The following TUSC3 variants were observed in gnomAD, a reference collection of about 807,000 sequenced individuals.
The protein encoded by TUSC3 is tumor suppressor candidate 3.
In TUSC3, 45 loss-of-function variants were observed where a neutral mutation model predicts 44.8. The observed-to-expected ratio is 1.00, with a 90% confidence interval of 0.79 to 1.29. TUSC3 has a LOEUF of 1.29. Ranked by LOEUF, TUSC3 falls within the 50% of genes most tolerant of loss-of-function variation. The probability of loss-of-function intolerance (pLI) is 0.00; values close to 1 mark genes in which losing one functional copy is unlikely to be tolerated. For missense variants in TUSC3, 519 were observed against 437.9 expected, an observed-to-expected ratio of 1.19 and a Z score of -1.65; for synonymous variants, 212 against 152.9, an observed-to-expected ratio of 1.39 and a Z score of -2.85.
the TUSC3 span, among the ~76,000 whole-genome samples, chr8:15,783,966 A>G: frequency 6.6e-6 from 1 of 152,228 alleles, no homozygotes; most frequent in Non-Finnish European, 1.5e-5. Flanking sequence ...AAGTGCTAAC[A>G]GACAAAATAT....
At chr8:15,615,549 T>TA (rs762378905) in intron 1 of TUSC3, among the ~76,000 whole-genome samples, 2 of 152,182 alleles carry the variant, frequency 1.3e-5, no homozygotes, top group Non-Finnish European at 2.9e-5. Flanking sequence ...TAATGTTCTA[T>TA]AAGCAGTGTA....
At position 15,765,080 on chromosome 8, in the gene TUSC3, A is replaced by G. The variant is rs1263239195; in HGVS notation, c.*924A>G. 2 of 152,184 alleles carry G rather than the reference A, an allele frequency of 1.3e-5. No individual in the cohort carries two copies. Among genetic ancestry groups the G allele is most frequent in the East Asian group, 3.9e-4 (2 of 5,176 alleles). The allele number at this position is 152,184 out of a possible 1,614,324, so 9.4% of individuals were successfully genotyped here. A position where few individuals can be genotyped will look rare whatever the true frequency, so the allele number is the denominator to read the frequency against. ...TTCAATGAAGCTTTCTTGAAAACAA[A>G]CATAGGAGTGTAATGTACTATTATG... On this transcript the variant is annotated 3_prime_UTR_variant, in exon 11 of 11. Transcript: ENST00000503731.
chr8:15,745,916 T>A (rs1811394603), intron 8 of TUSC3, among the ~76,000 whole-genome samples: 1 of 152,018 alleles, frequency 6.6e-6, no homozygotes, highest in Non-Finnish European at 1.5e-5. Context: ...AAGTTTTAGG[T>A]GTTACATTTA....
chr8:15,482,441 G>T (rs1193544312), intron 1 of TUSC3, among the ~76,000 whole-genome samples: 1 of 152,194 alleles, frequency 6.6e-6, no homozygotes, highest in Admixed American at 6.5e-5. Context: ...CGTTATGAAT[G>T]ATAGCACACC....
At chr8:15,523,192 C>G (rs1201024893) in intron 2 of TUSC3, among the ~76,000 whole-genome samples, 1 of 152,158 alleles carries the variant, frequency 6.6e-6, no homozygotes, top group African/African-American at 2.4e-5. Context: ...CATTAATCCA[C>G]TGCACCAGTG....
chr8:15,418,956 T>C (rs748453733), intron 1 of TUSC3, among the ~76,000 whole-genome samples: 1 of 152,108 alleles, frequency 6.6e-6, no homozygotes, highest in Non-Finnish European at 1.5e-5. Context: ...CAGTGAGCCA[T>C]GATCAAACAC....
At chr8:15,465,152 C>T (rs1427595649) in intron 1 of TUSC3, among the ~76,000 whole-genome samples, 1 of 152,122 alleles carries the variant, frequency 6.6e-6, no homozygotes, top group Non-Finnish European at 1.5e-5. Context: ...TGGTCAAAGA[C>T]TTCTAATACA....
chr8:15,657,373 G>T (rs1807220766), intron 3 of TUSC3, among the ~76,000 whole-genome samples: 1 of 152,164 alleles, frequency 6.6e-6, no homozygotes, highest in Non-Finnish European at 1.5e-5. Context: ...TCTTCTGCCA[G>T]ATATCCTCGT....
At chr8:15,668,812 A>G (rs575058406) in intron 5 of TUSC3, among the ~76,000 whole-genome samples, 1 of 151,908 alleles carries the variant, frequency 6.6e-6, no homozygotes, top group East Asian at 1.9e-4. Context: ...AAAAAGAACC[A>G]TTTATGATGC....
intron 7 of TUSC3, among the ~76,000 whole-genome samples, chr8:15,737,105 G>C (rs753979461): frequency 2.6e-5 from 4 of 151,828 alleles, no homozygotes; most frequent in African/African-American, 9.7e-5. Context: ...GATTTTATTC[G>C]CATCTGTTTC....
chr8:15,746,264 C>A (rs1811411037), intron 8 of TUSC3, among the ~76,000 whole-genome samples: 1 of 152,094 alleles, frequency 6.6e-6, no homozygotes, highest in Non-Finnish European at 1.5e-5. Context: ...CAACTCCTCT[C>A]TTGGTAGATG....
Position 15,708,227 on chromosome 8 carries a change from G to C in TUSC3, c.799-22439G>C, listed in dbSNP as rs78887120. ...GGCCTAGAGGTATGTAAAGTTATTG[G>C]TAGATTCAGGATAATAAATGTAGAG... On this transcript the variant is annotated intron_variant, in intron 6 of 10. Transcript: ENST00000503731. Among the ~76,000 whole-genome samples the C allele has an allele frequency of 3.3e-3, 507 of 152,002 alleles. 7 individuals are homozygous for C. In the East Asian group the frequency reaches 0.035, roughly 10 times the overall value.
At chr8:15,649,208 A>G (rs1352838056) in intron 2 of TUSC3, among the ~76,000 whole-genome samples, 2 of 152,084 alleles carry the variant, frequency 1.3e-5, no homozygotes, top group Non-Finnish European at 1.5e-5. Context: ...CCTCAAATAC[A>G]TGTTTTTTTT....
chr8:15,636,464 C>G (rs1285607186), intron 2 of TUSC3, among the ~76,000 whole-genome samples: 1 of 152,052 alleles, frequency 6.6e-6, no homozygotes, highest in African/African-American at 2.4e-5. Context: ...TAGACCAACC[C>G]CAGAATAGAG....
chr8:15,446,158 C>T (rs1465129182), intron 1 of TUSC3, among the ~76,000 whole-genome samples: 1 of 151,782 alleles, frequency 6.6e-6, no homozygotes, highest in Non-Finnish European at 1.5e-5. Flanking sequence ...GCGCTCCTCA[C>T]ATCCCAGACG....
the TUSC3 span, among the ~76,000 whole-genome samples, chr8:15,785,512 T>C: frequency 1.5e-3 from 228 of 152,062 alleles, 3 homozygotes; most frequent in Admixed American, 4.9e-3. Flanking sequence ...CATCCTGACC[T>C]TCTTTGGAAA....
chr8:15,671,609 A>G (rs1180052855), intron 5 of TUSC3, among the ~76,000 whole-genome samples: 1 of 151,966 alleles, frequency 6.6e-6, no homozygotes, highest in African/African-American at 2.4e-5. Flanking sequence ...GTTTTATTAA[A>G]CCATTTCCTG....
chr8:15,540,258 C>A (rs1801631450), upstream of TUSC3: 1 of 909,860 alleles, frequency 1.1e-6, no homozygotes, highest in Non-Finnish European at 1.5e-6. Context: ...ACCGGATGCT[C>A]TGTCAGTCTC....
intron 1 of TUSC3, among the ~76,000 whole-genome samples, chr8:15,591,089 A>T (rs1047063242): frequency 6.6e-6 from 1 of 152,162 alleles, no homozygotes; most frequent in African/African-American, 2.4e-5. Context: ...GTGGTGAACA[A>T]ATGGTAGTTG....
Sources: allele counts gnomAD v4.1 joint callset (sites outside exome capture counted in the v4.1 genomes callset), GRCh38; gene constraint gnomAD v4.1.1; transcripts MANE v1.5; gene names NCBI Gene and HGNC (gene_info 2026-07-23, HGNC 2026-07-21).